KCNN2: variants seen among roughly 807,000 people sequenced by gnomAD.
KCNN2 encodes the protein small conductance calcium-activated potassium channel protein 2.
Under a neutral mutation model 55.5 loss-of-function variants are expected in KCNN2, and 24 were observed. The observed-to-expected ratio is 0.43, with a 90% CI of 0.31 to 0.61. The LOEUF is 0.61. Among genes scored for constraint, KCNN2 ranks in the 20% least tolerant of loss-of-function variants. The probability of loss-of-function intolerance (pLI) is 0.08; values close to 1 mark genes in which losing one functional copy is unlikely to be tolerated. For missense variants in KCNN2, 754 were observed against 853.6 expected, an observed-to-expected ratio of 0.88 and a Z score of 1.45; for synonymous variants, 431 against 336.1, an observed-to-expected ratio of 1.28 and a Z score of -3.09.
intron 3 of KCNN2, among the ~76,000 whole-genome samples, chr5:114,458,202 A>G (rs1387233220): frequency 2.0e-5 from 3 of 152,226 alleles, no homozygotes; most frequent in Non-Finnish European, 4.4e-5. Flanking sequence ...AATACTTCTC[A>G]CTAACTATGG....
chr5:114,256,216 G>GAT (rs1554077608), intron 2 of KCNN2, among the ~76,000 whole-genome samples: 9 of 151,092 alleles, frequency 6.0e-5, no homozygotes, highest in South Asian at 2.1e-4. Context: ...CCATGGTATG[G>GAT]GTGTGTGTGT....
chr5:114,312,459 A>G (rs1255261169), intron 2 of KCNN2, among the ~76,000 whole-genome samples: 2 of 100,234 alleles, frequency 2.0e-5, no homozygotes, highest in African/African-American at 4.4e-5. Context: ...ATATATATAT[A>G]TATATATATA....
chr5:114,358,804 C>T (rs1247350158), upstream of KCNN2, among the ~76,000 whole-genome samples: 2 of 152,096 alleles, frequency 1.3e-5, no homozygotes, highest in Admixed American at 6.5e-5. Context: ...ACATGTATCT[C>T]TACAGTCCTG....
intron 2 of KCNN2, among the ~76,000 whole-genome samples, chr5:114,260,553 T>C (rs1755085262): frequency 6.6e-6 from 1 of 152,232 alleles, no homozygotes; most frequent in Non-Finnish European, 1.5e-5. Context: ...TTTAGAGCAA[T>C]GATCTCGAAT....
At chr5:114,288,529 C>CACACACACAT (rs58610133) in intron 2 of KCNN2, among the ~76,000 whole-genome samples, 1 of 150,554 alleles carries the variant, frequency 6.6e-6, no homozygotes, top group Non-Finnish European at 1.5e-5. Context: ...CACACACACA[C>CACACACACAT]ATACACATAG....
chr5:114,097,621 A>G, intron 1 of KCNN2, among the ~76,000 whole-genome samples: 1 of 152,172 alleles, frequency 6.6e-6, no homozygotes, highest in East Asian at 1.9e-4. Flanking sequence ...TTAAACATGA[A>G]CGTCTCTTGT....
chr5:114,220,825 C>CAAA (rs11311434), intron 1 of KCNN2, among the ~76,000 whole-genome samples: 13 of 91,866 alleles, frequency 1.4e-4, no homozygotes, highest in African/African-American at 4.4e-4. Context: ...GACTCCATCT[C>CAAA]AAAAAAAAAA....
intron 1 of KCNN2, among the ~76,000 whole-genome samples, chr5:114,192,068 G>A (rs1753461287): frequency 6.6e-6 from 1 of 152,182 alleles, no homozygotes; most frequent in Non-Finnish European, 1.5e-5. Context: ...AAATCATAAT[G>A]CTCTGTCTAC....
chr5:114,390,373 C>A (rs1758417978), intron 2 of KCNN2, among the ~76,000 whole-genome samples: 1 of 152,122 alleles, frequency 6.6e-6, no homozygotes, highest in South Asian at 2.1e-4. Flanking sequence ...TTGAATTTCT[C>A]ATTTCATCTA....
chr5:114,448,081 G>A (rs1014862725), intron 3 of KCNN2, among the ~76,000 whole-genome samples: 1 of 152,040 alleles, frequency 6.6e-6, no homozygotes, highest in African/African-American at 2.4e-5. Context: ...GGGTTTTCGT[G>A]ATTTATGTAG....
At chr5:114,466,481 A>G (rs1236979527) in intron 4 of KCNN2, among the ~76,000 whole-genome samples, 1 of 151,976 alleles carries the variant, frequency 6.6e-6, no homozygotes, top group East Asian at 1.9e-4. Flanking sequence ...AGAAATATAT[A>G]TATATATATA....
intron 1 of KCNN2, among the ~76,000 whole-genome samples, chr5:114,157,042 A>C (rs1444533763): frequency 6.6e-6 from 1 of 151,624 alleles, no homozygotes; most frequent in Non-Finnish European, 1.5e-5. Flanking sequence ...TTTAGGGTAC[A>C]TGTGCACAAT....
chr5:114,354,314 T>C (rs965227082), intron 2 of KCNN2, among the ~76,000 whole-genome samples: 1 of 152,148 alleles, frequency 6.6e-6, no homozygotes, highest in Admixed American at 6.5e-5. Context: ...ATTCCCATCA[T>C]ACCTCCCTTT....
intron 3 of KCNN2, among the ~76,000 whole-genome samples, chr5:114,450,926 G>C (rs1487235888): frequency 6.6e-6 from 1 of 152,058 alleles, no homozygotes; most frequent in Non-Finnish European, 1.5e-5. Flanking sequence ...TTTAAATAAG[G>C]ACATAAAATA....
chr5:114,321,264 C>T (rs1171809033), intron 2 of KCNN2, among the ~76,000 whole-genome samples: 1 of 152,108 alleles, frequency 6.6e-6, no homozygotes, highest in African/African-American at 2.4e-5. Context: ...CAATTTTTCA[C>T]CTTAATCTTC....
chr5:114,108,997 G>A (rs1157285376), intron 1 of KCNN2, among the ~76,000 whole-genome samples: 1 of 152,012 alleles, frequency 6.6e-6, no homozygotes, highest in East Asian at 1.9e-4. Context: ...GTTTATGAGA[G>A]TTGCTGTTGC....
chr5:114,463,023 G>T (rs1009581888), intron 3 of KCNN2, 26 bp from the exon 4 acceptor site: 1 of 1,606,164 alleles, frequency 6.2e-7, no homozygotes, highest in African/African-American at 1.3e-5. Flanking sequence ...AATTATAAAG[G>T]ACTGGTTTTG....
intron 1 of KCNN2, among the ~76,000 whole-genome samples, chr5:114,197,076 C>T (rs2112568422): frequency 6.6e-6 from 1 of 152,044 alleles, no homozygotes; most frequent in Admixed American, 6.6e-5. Context: ...TTCTAATATC[C>T]CTTATGATTC....
rs527476336 is a variant in KCNN2 at position 114,220,103 on chromosome 5, G to C, written c.-270-1377G>C. On this transcript the variant is annotated intron_variant, in intron 1 of 10. Transcript: ENST00000512097. ...AGGTCATATAGTTGGCTACTCTTCG[G>C]ACTGTGTAATTAGAAAAACTGGCCG... 2.1e-4 allele frequency among the ~76,000 whole-genome samples: 32 copies of C among 152,266 alleles called. No homozygotes were observed. The South Asian group carries it at 4.8e-3, about 23-fold the overall frequency.
Sources: allele counts gnomAD v4.1 joint callset (sites outside exome capture counted in the v4.1 genomes callset), GRCh38; gene constraint gnomAD v4.1.1; transcripts MANE v1.5; gene names NCBI Gene and HGNC (gene_info 2026-07-23, HGNC 2026-07-21).